The following UBE2K variants were observed in gnomAD, a reference collection of about 807,000 sequenced individuals.
UBE2K encodes the protein ubiquitin conjugating enzyme E2 K.
Under a neutral mutation model 30.0 loss-of-function variants are expected in UBE2K, and 6 were observed. That is an observed-to-expected ratio of 0.20 (90% CI 0.11 to 0.39). The LOEUF is 0.39. Ranked by LOEUF, UBE2K falls within the 10% of genes least tolerant of loss-of-function variation. UBE2K has a pLI of 1.00. For synonymous variants in UBE2K, 86 were observed against 83.7 expected (o/e 1.03, Z -0.15); for missense variants, 61 against 241.6 (o/e 0.25, Z 4.96).
chr4:39,771,137 CG>C (rs1712792137), intron 4 of UBE2K: 4 of 1,612,514 alleles, frequency 2.5e-6, no homozygotes, highest in Middle Eastern at 1.7e-4. Flanking sequence ...AGATAGTTGA[CG>C]ATGTCCCTAA....
At chr4:39,710,176 CCTTT>C (rs1372812946) in intron 1 of UBE2K, 5 of 151,862 alleles carry the variant, frequency 3.3e-5, no homozygotes, top group Admixed American at 2.6e-4. Context: ...ACTGCAAAAC[CCTTT>C]TTTTCTTTCT....
chr4:39,770,936 G>A, intron 4 of UBE2K: 3 of 1,570,946 alleles, frequency 1.9e-6, no homozygotes, highest in Non-Finnish European at 2.6e-6. Context: ...GAGGTGGGGG[G>A]TGGGGGCTTC....
At chr4:39,703,356 T>TA (rs1048575708) in intron 1 of UBE2K, among the ~76,000 whole-genome samples, 1 of 151,568 alleles carries the variant, frequency 6.6e-6, no homozygotes, top group African/African-American at 2.4e-5. Context: ...TACTAACATT[T>TA]AAAAAAAATC....
At chr4:39,777,110 A>G (rs1345128251) in intron 5 of UBE2K, among the ~76,000 whole-genome samples, 1 of 152,192 alleles carries the variant, frequency 6.6e-6, no homozygotes, top group Non-Finnish European at 1.5e-5. Context: ...TCCAATGCAT[A>G]TGGGAAGTCT....
At chr4:39,717,761 C>T (rs543628484) in intron 1 of UBE2K, among the ~76,000 whole-genome samples, 5 of 152,114 alleles carry the variant, frequency 3.3e-5, no homozygotes, top group East Asian at 1.9e-4. Context: ...GCGGCGTGTC[C>T]GGAGTTTGTT....
At chr4:39,764,309 T>A (rs1341672752) in intron 4 of UBE2K, among the ~76,000 whole-genome samples, 3 of 152,198 alleles carry the variant, frequency 2.0e-5, no homozygotes, top group African/African-American at 4.8e-5. Context: ...TCTGTGAAAA[T>A]TCAATCAGGC....
At chr4:39,706,319 A>C (rs569736943) in intron 1 of UBE2K, among the ~76,000 whole-genome samples, 1 of 151,860 alleles carries the variant, frequency 6.6e-6, no homozygotes, top group African/African-American at 2.4e-5. Context: ...TCCGGCCACA[A>C]TACCCAGCTA....
chr4:39,701,194 AGT>A (rs1717990026), intron 1 of UBE2K, among the ~76,000 whole-genome samples: 1 of 152,138 alleles, frequency 6.6e-6, no homozygotes, highest in South Asian at 2.1e-4. Context: ...TTTAAATATG[AGT>A]GTGAATTTTA....
chr4:39,780,976 A>C lies in UBE2K; in HGVS notation c.*2542A>C, dbSNP rs1713577424. On this transcript the variant is annotated 3_prime_UTR_variant, in exon 7 of 7. Coordinates refer to ENST00000261427, the MANE Select transcript of UBE2K (RefSeq NM_005339.5). Reference sequence around the variant, plus strand: ...AATCCAGTGAAATCCCATTTAGGGCAGGCCGATTTGTTAGAAGTCACTGAT... The same window carrying C: ...AATCCAGTGAAATCCCATTTAGGGCCGGCCGATTTGTTAGAAGTCACTGAT... The C allele has an allele frequency of 6.6e-6, 1 of 152,118 alleles. No homozygotes were observed. The highest frequency in any genetic ancestry group is 1.5e-5 in the Non-Finnish European group (1 of 67,974). The allele number at this position is 152,118 out of a possible 1,614,324, so 9.4% of individuals were successfully genotyped here. A position where few individuals can be genotyped will look rare whatever the true frequency, so the allele number is the denominator to read the frequency against.
rs569251225 is a variant in UBE2K at position 39,730,810 on chromosome 4, C to CTTTT, written c.64-6594_64-6591dup. Among the ~76,000 whole-genome samples the CTTTT allele has an allele frequency of 1.9e-4, 17 of 89,650 alleles. 1 individual carries two copies. Among genetic ancestry groups the CTTTT allele is most frequent in the African/African-American group, 6.1e-4 (15 of 24,398 alleles). The allele number at this position is 89,650 out of a possible 152,430, so 58.8% of individuals were successfully genotyped here. A position where few individuals can be genotyped will look rare whatever the true frequency, so the allele number is the denominator to read the frequency against. On this transcript the variant is annotated intron_variant, in intron 1 of 6. Coordinates refer to ENST00000261427, the MANE Select transcript of UBE2K (RefSeq NM_005339.5). ...TAATAATTGCTAGCTGCTATAGCTT[C>CTTTT]TTTTTTTTTTTTTTTTTTTGAGACA...
At chr4:39,712,594 G>A (rs1718770606) in intron 1 of UBE2K, among the ~76,000 whole-genome samples, 1 of 151,774 alleles carries the variant, frequency 6.6e-6, no homozygotes, top group African/African-American at 2.4e-5. Context: ...GCTAAGTTTT[G>A]TATTTTTAGT....
intron 1 of UBE2K, among the ~76,000 whole-genome samples, chr4:39,702,010 C>G (rs1718040648): frequency 6.6e-6 from 1 of 151,936 alleles, no homozygotes; most frequent in Admixed American, 6.6e-5. Context: ...ATCCGCCTGC[C>G]TCAACCTCCC....
chr4:39,730,716 G>A (rs1720023117), intron 1 of UBE2K, among the ~76,000 whole-genome samples: 1 of 151,708 alleles, frequency 6.6e-6, no homozygotes, highest in Admixed American at 6.6e-5. Flanking sequence ...TTTGCAGTGA[G>A]CTGAGATTGC....
At chr4:39,728,820 T>G (rs1452947174) in intron 1 of UBE2K, among the ~76,000 whole-genome samples, 1 of 144,606 alleles carries the variant, frequency 6.9e-6, no homozygotes, top group Admixed American at 7.0e-5. Flanking sequence ...TTTTTTTTGT[T>G]TTTTTTGTTT....
intron 4 of UBE2K, among the ~76,000 whole-genome samples, chr4:39,759,552 G>T (rs1023954604): frequency 6.6e-6 from 1 of 152,184 alleles, no homozygotes; most frequent in Admixed American, 6.5e-5. Flanking sequence ...CCAGAGTGCT[G>T]CAATGACAGG....
At chr4:39,759,916 C>A (rs1711779655) in intron 4 of UBE2K, among the ~76,000 whole-genome samples, 1 of 152,072 alleles carries the variant, frequency 6.6e-6, no homozygotes, top group East Asian at 1.9e-4. Flanking sequence ...TGGCTCATGC[C>A]TGTTATCCCA....
At chr4:39,740,477 A>C (rs1298426039) in intron 2 of UBE2K, among the ~76,000 whole-genome samples, 1 of 148,084 alleles carries the variant, frequency 6.8e-6, no homozygotes, top group Non-Finnish European at 1.5e-5. Flanking sequence ...CGGGAGGCGG[A>C]GCCTTCAGTG....
intron 1 of UBE2K, among the ~76,000 whole-genome samples, chr4:39,712,218 T>A (rs1718736083): frequency 7.3e-6 from 1 of 137,696 alleles, no homozygotes; most frequent in South Asian, 2.4e-4. Context: ...TTTTTTTTTT[T>A]TGAGACCGAG....
At chr4:39,764,529 T>A (rs1051517318) in intron 4 of UBE2K, among the ~76,000 whole-genome samples, 2 of 151,730 alleles carry the variant, frequency 1.3e-5, no homozygotes, top group African/African-American at 2.4e-5. Flanking sequence ...CACTGCAGCC[T>A]TGACCTTCCA....
Sources: gnomAD v4.1 joint callset for allele counts (sites outside exome capture counted in the v4.1 genomes callset) on GRCh38, gnomAD v4.1.1 for gene constraint, MANE v1.5 for transcripts, NCBI Gene and HGNC (gene_info 2026-07-23, HGNC 2026-07-21) for gene names.